Variants in UPF3A observed in about 807,000 individuals in gnomAD.
UPF3A encodes the protein regulator of nonsense transcripts 3A.
In UPF3A, 42 loss-of-function variants were observed where a neutral mutation model predicts 53.5. That is an observed-to-expected ratio of 0.78 (90% CI 0.61 to 1.01). The LOEUF is 1.01. UPF3A is among the 50% of genes least tolerant of loss of function. The pLI is 0.00. For missense variants in UPF3A, 575 were observed against 598.0 expected, an observed-to-expected ratio of 0.96 and a Z score of 0.40; for synonymous variants, 237 against 225.3, an observed-to-expected ratio of 1.05 and a Z score of -0.47.
At chr13:114,284,534 T>TAA (rs535271853) in intron 3 of UPF3A, among the ~76,000 whole-genome samples, 1 of 126,526 alleles carries the variant, frequency 7.9e-6, no homozygotes, top group African/African-American at 2.9e-5. Flanking sequence ...CTGTCTCTAC[T>TAA]AAAAAAAAAA....
rs2086642685 is a variant in UPF3A at position 114,301,929 on chromosome 13, G to A, written c.1206G>A (p.Gln402=). ...PGQDRGKKGS[Q]DSGAPGEAME... ...AAGACAGAGGGAAGAAGGGGAGCCAGGACAGCGGGGCTCCGGGGGAGGCCA... is the reference window on the plus strand; with the variant it reads ...AAGACAGAGGGAAGAAGGGGAGCCAAGACAGCGGGGCTCCGGGGGAGGCCA... The change falls in exon 9 of 10, where the codon CAG becomes CAA. Residue 402 remains glutamine, a synonymous_variant. Transcript: ENST00000375299. 1.2e-6 allele frequency: 2 copies of A among 1,610,814 alleles called. No individual in the cohort carries two copies. Among genetic ancestry groups the A allele is most frequent in the Non-Finnish European group, 8.5e-7 (1 of 1,178,542 alleles).
At chr13:114,292,692 A>G (rs1452913216) in intron 7 of UPF3A, among the ~76,000 whole-genome samples, 1 of 152,046 alleles carries the variant, frequency 6.6e-6, no homozygotes, top group Non-Finnish European at 1.5e-5. Flanking sequence ...GGGTAAATCA[A>G]GTGTCACTGG....
intron 7 of UPF3A, 144 bp downstream of exon 7, chr13:114,291,936 C>G (rs2085312420): frequency 1.7e-6 from 2 of 1,156,362 alleles, no homozygotes; most frequent in Non-Finnish European, 1.2e-6. Context: ...TCTTTTCCAT[C>G]TTTCTTTCCA....
At chr13:114,288,134 C>T (rs1263865942) in intron 5 of UPF3A, among the ~76,000 whole-genome samples, 3 of 152,190 alleles carry the variant, frequency 2.0e-5, no homozygotes, top group Non-Finnish European at 4.4e-5. Flanking sequence ...CTAAAGTAAA[C>T]AAAATATGCT....
chr13:114,299,043 A>T (rs1358407416), intron 8 of UPF3A, 43 bp downstream of exon 8: 1 of 1,529,118 alleles, frequency 6.5e-7, no homozygotes. Flanking sequence ...GCTCCCAGTC[A>T]TGGTGACGTA....
chr13:114,289,594 C>G (rs2085079653), intron 5 of UPF3A, among the ~76,000 whole-genome samples: 2 of 151,746 alleles, frequency 1.3e-5, no homozygotes, highest in African/African-American at 4.8e-5. Context: ...CTTTTGGCCT[C>G]CAGTGGATTC....
chr13:114,282,787 G>A, intron 2 of UPF3A, 50 bp from the exon 3 acceptor site: 1 of 1,563,858 alleles, frequency 6.4e-7, no homozygotes, highest in South Asian at 1.2e-5. Flanking sequence ...CTAAATTAAT[G>A]GACTATTGTA....
At chr13:114,295,238 G>A (rs2085770945) in intron 7 of UPF3A, among the ~76,000 whole-genome samples, 2 of 152,204 alleles carry the variant, frequency 1.3e-5, no homozygotes, top group Non-Finnish European at 2.9e-5. Flanking sequence ...GGCGAGGGCT[G>A]GGAGGGAGCA....
chr13:114,296,605 T>C (rs1048391366), intron 7 of UPF3A, among the ~76,000 whole-genome samples: 5 of 152,062 alleles, frequency 3.3e-5, no homozygotes, highest in African/African-American at 1.2e-4. Flanking sequence ...ACTTACCAAA[T>C]CTGAGGAGAG....
At chr13:114,284,122 A>C in intron 3 of UPF3A, 1 of 964,528 alleles carries the variant, frequency 1.0e-6, no homozygotes, top group Non-Finnish European at 1.2e-6. Context: ...CCAGCACTTT[A>C]GGAGGCCAAG....
intron 5 of UPF3A, 195 bp downstream of exon 5, chr13:114,286,824 G>C: frequency 1.7e-6 from 1 of 587,652 alleles, no homozygotes; most frequent in Non-Finnish European, 3.0e-6. Flanking sequence ...AGCGTTGGTT[G>C]ATGGAGAGCA....
At chr13:114,299,260 TC>T (rs1275522706) in intron 8 of UPF3A, among the ~76,000 whole-genome samples, 1 of 152,202 alleles carries the variant, frequency 6.6e-6, no homozygotes, top group Admixed American at 6.5e-5. Flanking sequence ...CTCCTTTTAC[TC>T]CTGAGCCGCC....
At position 114,282,634 on chromosome 13, in the gene UPF3A, G is replaced by A. The variant is rs140595961; in HGVS notation, c.315-203G>A. On this transcript the variant is annotated intron_variant, in intron 2 of 9. Coordinates refer to ENST00000375299, the MANE Select transcript of UPF3A (RefSeq NM_023011.4). The stretch of plus-strand genomic sequence containing the variant: ...AGGACCGGTTCTGGGCAGTGGAGAA[G>A]GGACCTGAGTTCTGCCTTGTAAAGT... 9.0e-5 allele frequency: 89 copies of A among 985,360 alleles called. No individual in the cohort carries two copies. In the African/African-American group the frequency reaches 1.5e-3, roughly 16 times the overall value. 61.0% of individuals were successfully genotyped at this position (985,360 alleles called of 1,614,324 possible).
intron 9 of UPF3A, among the ~76,000 whole-genome samples, chr13:114,304,072 C>T (rs2086828867): frequency 6.6e-6 from 1 of 152,230 alleles, no homozygotes; most frequent in Non-Finnish European, 1.5e-5. Context: ...GCTAAGGCTG[C>T]AGCTCTGCAG....
intron 7 of UPF3A, among the ~76,000 whole-genome samples, chr13:114,293,362 C>A (rs1164434568): frequency 6.6e-6 from 1 of 151,778 alleles, no homozygotes; most frequent in East Asian, 1.9e-4. Flanking sequence ...CCAGCCTGGG[C>A]AACAGAGCAA....
intron 7 of UPF3A, among the ~76,000 whole-genome samples, chr13:114,295,606 T>C (rs1206239450): frequency 6.6e-6 from 1 of 152,258 alleles, no homozygotes; most frequent in Non-Finnish European, 1.5e-5. Flanking sequence ...GCGTCTCTGA[T>C]GCTTTACTCT....
chr13:114,294,761 G>C (rs1325261249), intron 7 of UPF3A, among the ~76,000 whole-genome samples: 3 of 149,644 alleles, frequency 2.0e-5, no homozygotes, highest in South Asian at 2.2e-4. Flanking sequence ...GGAGGCAGAG[G>C]TTGCAGTGAG....
At chr13:114,286,220 T>A in intron 3 of UPF3A, 82 bp from the exon 4 acceptor site, 1 of 1,548,880 alleles carries the variant, frequency 6.5e-7, no homozygotes, top group Non-Finnish European at 8.8e-7. Context: ...CACTTACTCT[T>A]TAAGTAAGTT....
intron 3 of UPF3A, chr13:114,285,457 G>A (rs1437589377): frequency 6.6e-6 from 1 of 152,212 alleles, no homozygotes; most frequent in Non-Finnish European, 1.5e-5. Context: ...GTCCCCCTGA[G>A]TCTTGACTTT....
Sources: allele counts gnomAD v4.1 joint callset (sites outside exome capture counted in the v4.1 genomes callset), GRCh38; gene constraint gnomAD v4.1.1; transcripts MANE v1.5; gene names NCBI Gene and HGNC (gene_info 2026-07-23, HGNC 2026-07-21).